ABCB4: variants seen among roughly 807,000 people sequenced by gnomAD.
ABCB4 encodes the protein ATP binding cassette subfamily B member 4, also known as phosphatidylcholine translocator ABCB4.
ABCB4 carries 76 observed loss-of-function variants against 145.7 expected under a neutral mutation model. The observed-to-expected ratio is 0.52, with a 90% CI of 0.43 to 0.63. The LOEUF (loss-of-function observed/expected upper bound fraction) is 0.63, where lower values mean the gene tolerates loss of function less well. ABCB4 is among the 30% of genes least tolerant of loss of function. The probability of loss-of-function intolerance (pLI) is 0.00; values close to 1 mark genes in which losing one functional copy is unlikely to be tolerated. For missense variants in ABCB4, 1,234 were observed against 1,553.1 expected (o/e 0.79, Z 3.45); for synonymous variants, 517 against 566.8 (o/e 0.91, Z 1.25).
At chr7:87,469,449 A>G (rs1004999879) in intron 3 of ABCB4, among the ~76,000 whole-genome samples, 1 of 152,206 alleles carries the variant, frequency 6.6e-6, no homozygotes. Context: ...TTTGCAGATG[A>G]CATGACTGTA....
Position 87,443,302 on chromosome 7 carries a change from T to C in ABCB4, c.1356+17A>G, listed in dbSNP as rs1004254564. The C allele has an allele frequency of 3.1e-6, 5 of 1,613,780 alleles. No individual in the cohort carries two copies. The highest frequency in any genetic ancestry group is 4.2e-6 in the Non-Finnish European group (5 of 1,179,916). On this transcript the variant is annotated intron_variant, in intron 12 of 27. Coordinates refer to ENST00000649586, the MANE Select transcript of ABCB4 (RefSeq NM_000443.4). ...ATCCAGCTTCCCACTCTGGAAAGCT[T>C]GGTTCTTCCCACTTACTGTGCCCTC... is the stretch of plus-strand genomic sequence containing the variant.
the ABCB4 span, among the ~76,000 whole-genome samples, chr7:87,386,978 CT>C: frequency 6.6e-6 from 1 of 152,092 alleles, no homozygotes; most frequent in African/African-American, 2.4e-5. Context: ...CTTGATCTCA[CT>C]TCTTTCAGTG....
At chr7:87,417,676 G>T (rs948412547) in intron 20 of ABCB4, among the ~76,000 whole-genome samples, 161 bp from the exon 21 acceptor site, 3 of 152,154 alleles carry the variant, frequency 2.0e-5, no homozygotes, top group East Asian at 1.9e-4. Context: ...AACTCATGAG[G>T]CTCTGCAGAC....
At chr7:87,387,148 A>G in the ABCB4 span, among the ~76,000 whole-genome samples, 213 of 151,788 alleles carry the variant, frequency 1.4e-3, 1 homozygote, top group African/African-American at 3.5e-3. Flanking sequence ...GGTTTCTGGG[A>G]TACTCCTGAG....
chr7:87,473,072 G>A (rs1349960821), intron 2 of ABCB4, among the ~76,000 whole-genome samples: 2 of 152,200 alleles, frequency 1.3e-5, no homozygotes, highest in Non-Finnish European at 2.9e-5. Context: ...TACATTCAAA[G>A]TACATCTAGA....
At chr7:87,411,158 T>G (rs1431003134) in intron 23 of ABCB4, among the ~76,000 whole-genome samples, 2 of 152,090 alleles carry the variant, frequency 1.3e-5, no homozygotes, top group Non-Finnish European at 2.9e-5. Flanking sequence ...AATTTTAATT[T>G]TGGATGAAAA....
intron 14 of ABCB4, 24 bp from the exon 15 acceptor site, chr7:87,431,589 A>G (rs754024979): frequency 1.9e-6 from 3 of 1,613,944 alleles, no homozygotes; most frequent in Non-Finnish European, 2.5e-6. Context: ...AATGTGGTGC[A>G]TCAGGGTTAC....
At chr7:87,464,334 T>TC (rs1387338474) in intron 3 of ABCB4, among the ~76,000 whole-genome samples, 1 of 151,958 alleles carries the variant, frequency 6.6e-6, no homozygotes, top group African/African-American at 2.4e-5. Flanking sequence ...AGACAAAGGG[T>TC]CAGAAACCAG....
Position 87,418,541 on chromosome 7 carries a change from T to G in ABCB4, c.2474A>C (p.Gln825Pro). The stretch of plus-strand genomic sequence containing the variant: ...AGTAGAGTGCAGTCTACCTACTCCT[T>G]GGACTTGGGCAGCATCTGTGGCAAG... ...TRLATDAAQV[Q>P]GATGTRLALI... The change falls in exon 20 of 28, where the codon CAA becomes CCA. Residue 825 changes from glutamine (Q) to proline (P), a missense_variant. Coordinates refer to ENST00000649586, the MANE Select transcript of ABCB4 (RefSeq NM_000443.4). 6.2e-7 allele frequency: 1 copy of G among 1,614,144 alleles called. No homozygotes were observed.
chr7:87,464,813 G>C (rs567448626), intron 3 of ABCB4, among the ~76,000 whole-genome samples: 2 of 152,166 alleles, frequency 1.3e-5, no homozygotes, highest in Non-Finnish European at 2.9e-5. Context: ...GAAAATTTCT[G>C]TTCCTACATT....
chr7:87,393,002 C>A, the ABCB4 span: 1 of 1,613,498 alleles, frequency 6.2e-7, no homozygotes, highest in Middle Eastern at 1.7e-4. Context: ...ATTTACGAGT[C>A]CAGGGAGTGG....
At chr7:87,451,865 A>G (rs1811755419) in intron 6 of ABCB4, 71 bp from the exon 7 acceptor site, 1 of 1,449,522 alleles carries the variant, frequency 6.9e-7, no homozygotes, top group African/African-American at 1.4e-5. Context: ...GACATCCAAC[A>G]AACACATAGA....
intron 7 of ABCB4, among the ~76,000 whole-genome samples, chr7:87,451,164 C>A (rs1441112815): frequency 7.1e-6 from 1 of 141,554 alleles, no homozygotes; most frequent in East Asian, 2.1e-4. Flanking sequence ...GAGATGAAGT[C>A]TTACTCTGTC....
the ABCB4 span, chr7:87,393,047 C>A: frequency 3.7e-6 from 6 of 1,613,264 alleles, no homozygotes; most frequent in Non-Finnish European, 5.1e-6. Context: ...ATGGATTTTT[C>A]TACCATATCA....
Position 87,419,999 on chromosome 7 carries a change from T to C in ABCB4, c.2393A>G (p.Gln798Arg). 6.2e-7 allele frequency: 1 copy of C among 1,613,972 alleles called. No individual in the cohort carries two copies. The highest frequency in any genetic ancestry group is 8.5e-7 in the Non-Finnish European group (1 of 1,179,830). Residue 798 changes from glutamine (Q) to arginine (R), a missense_variant and splice_region_variant, in exon 19 of 28, where the codon CAG becomes CGG. Gln to Arg is a conservative substitution (Grantham distance 43). This residue lies in a region of ABCB4 where 321 missense variants were observed against 332.6 expected (regional missense o/e 0.97). Transcript: ENST00000649586. Reference protein sequence around the residue: ...RSMAFKAMLRQDMSWFDDHKN... With the variant: ...RSMAFKAMLRRDMSWFDDHKN... Reference sequence around the variant, plus strand: ...GCATTCTCCAGCGCACACTCCTACCTGTCTTAGCATTGCTTTAAAAGCCAT... The same window carrying C: ...GCATTCTCCAGCGCACACTCCTACCCGTCTTAGCATTGCTTTAAAAGCCAT...
At chr7:87,378,293 C>T in the ABCB4 span, among the ~76,000 whole-genome samples, 68 of 140,350 alleles carry the variant, frequency 4.8e-4, 1 homozygote, top group East Asian at 2.3e-3. Flanking sequence ...GTGCAGTGAA[C>T]AGTGTTTGGG....
rs146593198 is a variant in ABCB4, at chr7:87,437,031, T to C, written c.1731+2636A>G. On this transcript the variant is annotated intron_variant, in intron 14 of 27. Coordinates refer to ENST00000649586, the MANE Select transcript of ABCB4 (RefSeq NM_000443.4). ...TTGAGGGTCTGAGGAAGAGGTGACC[T>C]TCTTTTGCATGTGGAAGAAATGTAA... Among the ~76,000 whole-genome samples the C allele has an allele frequency of 1.4e-3, 215 of 152,346 alleles. 1 individual carries two copies. The highest frequency in any genetic ancestry group is 5.1e-3 in the African/African-American group (214 of 41,586).
intron 5 of ABCB4, among the ~76,000 whole-genome samples, 182 bp downstream of exon 5, chr7:87,454,353 C>T (rs551477772): frequency 2.0e-5 from 3 of 152,264 alleles, no homozygotes; most frequent in Admixed American, 2.0e-4. Context: ...TCTTAGGAGT[C>T]ATACTGCAGT....
the ABCB4 span, chr7:87,392,452 A>G: frequency 6.5e-6 from 5 of 768,838 alleles, no homozygotes; most frequent in South Asian, 1.6e-5. Flanking sequence ...AGATCTTCCT[A>G]GAAATCTTTC....
Sources: gnomAD v4.1 joint callset for allele counts (sites outside exome capture counted in the v4.1 genomes callset) on GRCh38, gnomAD v4.1.1 for gene constraint, gnomAD v4.1.1 regional missense constraint, MANE v1.5 for transcripts, NCBI Gene and HGNC (gene_info 2026-07-23, HGNC 2026-07-21) for gene names.